Variants in CYP39A1 observed in about 807,000 individuals in gnomAD.
The protein encoded by CYP39A1 is 24-hydroxycholesterol 7-alpha-hydroxylase.
Under a neutral mutation model 58.1 loss-of-function variants are expected in CYP39A1, and 49 were observed. The ratio of observed to expected loss-of-function variants is 0.84; its 90% CI spans 0.67 to 1.07. CYP39A1 has a LOEUF of 1.07. Ranked by LOEUF, CYP39A1 falls within the 50% of genes least tolerant of loss-of-function variation. The pLI is 0.00. For synonymous variants in CYP39A1, 209 were observed against 187.6 expected, an observed-to-expected ratio of 1.11 and a Z score of -0.93; for missense variants, 531 against 539.4, an observed-to-expected ratio of 0.98 and a Z score of 0.16.
chr6:46,585,910 A>G (rs1772449923), intron 10 of CYP39A1, among the ~76,000 whole-genome samples: 1 of 152,082 alleles, frequency 6.6e-6, no homozygotes. Context: ...TTCCTTGTTC[A>G]TATCCAATGG....
At chr6:46,554,245 C>G (rs1194555398) in intron 10 of CYP39A1, among the ~76,000 whole-genome samples, 2 of 152,188 alleles carry the variant, frequency 1.3e-5, no homozygotes, top group Admixed American at 1.3e-4. Flanking sequence ...CTCGGTTGCA[C>G]TGGCCATATT....
chr6:46,589,591 A>G (rs1312724185), intron 8 of CYP39A1, among the ~76,000 whole-genome samples: 1 of 152,120 alleles, frequency 6.6e-6, no homozygotes, highest in Non-Finnish European at 1.5e-5. Context: ...CAATTTCAGA[A>G]CTGGGAGAGC....
At position 46,588,026 on chromosome 6, in the gene CYP39A1, T is replaced by C; in HGVS notation, c.1161+8A>G. 2 of 1,487,466 alleles carry C rather than the reference T, an allele frequency of 1.3e-6. No individual in the cohort carries two copies. Among genetic ancestry groups the C allele is most frequent in the Middle Eastern group, 1.7e-4 (1 of 5,770 alleles). 92.1% of individuals were successfully genotyped at this position (1,487,466 alleles called of 1,614,324 possible). On this transcript the variant is annotated splice_region_variant and intron_variant, in intron 9 of 11. Transcript: ENST00000275016. ...AAAGAATAATATATACTGAAAGAGATAACTTACAGGTTTGAACAATTCAGG... is the reference window on the plus strand; with the variant it reads ...AAAGAATAATATATACTGAAAGAGACAACTTACAGGTTTGAACAATTCAGG...
intron 7 of CYP39A1, among the ~76,000 whole-genome samples, chr6:46,602,552 C>T (rs1449475964): frequency 6.6e-6 from 1 of 151,744 alleles, no homozygotes; most frequent in Non-Finnish European, 1.5e-5. Context: ...GTAGCTCATG[C>T]CTGTATTCCC....
intron 10 of CYP39A1, among the ~76,000 whole-genome samples, chr6:46,564,782 A>C (rs558119476): frequency 2.0e-5 from 3 of 152,302 alleles, no homozygotes; most frequent in South Asian, 4.1e-4. Context: ...CACTGTTGCC[A>C]GGAGCAAGAG....
chr6:46,608,833 C>G (rs1479544913), intron 7 of CYP39A1, among the ~76,000 whole-genome samples: 2 of 151,524 alleles, frequency 1.3e-5, no homozygotes, highest in South Asian at 2.1e-4. Flanking sequence ...AGGCTGGTCT[C>G]GAACTCCTGA....
intron 1 of CYP39A1, among the ~76,000 whole-genome samples, chr6:46,643,980 T>A (rs1776496364): frequency 6.6e-6 from 1 of 152,198 alleles, no homozygotes; most frequent in South Asian, 2.1e-4. Flanking sequence ...AGCCTACGTA[T>A]CCATTACTGT....
At chr6:46,583,669 G>GAAAA in intron 10 of CYP39A1, 1 of 829,040 alleles carries the variant, frequency 1.2e-6, no homozygotes, top group Non-Finnish European at 1.5e-6. Context: ...CTACAAGGAA[G>GAAAA]TGCCTCGCAG....
At chr6:46,568,693 G>C (rs976574278) in intron 10 of CYP39A1, among the ~76,000 whole-genome samples, 2 of 151,972 alleles carry the variant, frequency 1.3e-5, no homozygotes, top group Non-Finnish European at 2.9e-5. Flanking sequence ...AAAATCATTT[G>C]ACCACATATT....
chr6:46,645,249 C>T (rs1762249209), intron 1 of CYP39A1, among the ~76,000 whole-genome samples: 1 of 152,096 alleles, frequency 6.6e-6, no homozygotes, highest in East Asian at 1.9e-4. Context: ...ATATTTCTTT[C>T]TACAGGTTTT....
Position 46,561,075 on chromosome 6 carries a change from C to A in CYP39A1, c.1251-7221G>T, listed in dbSNP as rs187296957. 7.2e-4 allele frequency among the ~76,000 whole-genome samples: 109 copies of A among 152,248 alleles called. 1 individual carries two copies. Among genetic ancestry groups the A allele is most frequent in the African/African-American group, 2.4e-3 (100 of 41,548 alleles). On this transcript the variant is annotated intron_variant, in intron 10 of 11. Transcript: ENST00000275016. ...TTCCTACAAGTAAATTAAATGAGCT[C>A]ACTTTTTCAAATAACTAAGTTGGCA...
intron 1 of CYP39A1, among the ~76,000 whole-genome samples, chr6:46,644,379 T>C (rs996280182): frequency 6.6e-6 from 1 of 152,182 alleles, no homozygotes; most frequent in Non-Finnish European, 1.5e-5. Context: ...TTATGAAGGC[T>C]GGGCTAGACA....
intron 11 of CYP39A1, among the ~76,000 whole-genome samples, chr6:46,553,134 C>T (rs1770498351): frequency 6.7e-6 from 1 of 149,540 alleles, no homozygotes; most frequent in Admixed American, 6.6e-5. Context: ...CCTGTTCCTA[C>T]TGGATCAGAA....
intron 7 of CYP39A1, among the ~76,000 whole-genome samples, chr6:46,609,414 CAAA>C (rs940212245): frequency 1.1e-4 from 7 of 62,536 alleles, no homozygotes; most frequent in African/African-American, 1.2e-4. Context: ...GACTCCGTCT[CAAA>C]AAAAAAAAAA....
At chr6:46,566,993 G>T (rs554622257) in intron 10 of CYP39A1, among the ~76,000 whole-genome samples, 1 of 152,046 alleles carries the variant, frequency 6.6e-6, no homozygotes, top group Non-Finnish European at 1.5e-5. Flanking sequence ...GGGAGAAGTG[G>T]GGGGGTGAGA....
At chr6:46,640,953 T>C (rs563406252) in intron 2 of CYP39A1, among the ~76,000 whole-genome samples, 2 of 152,122 alleles carry the variant, frequency 1.3e-5, no homozygotes, top group Admixed American at 1.3e-4. Flanking sequence ...TATGTTACCA[T>C]ACCAGTATAG....
intron 7 of CYP39A1, among the ~76,000 whole-genome samples, chr6:46,614,039 A>G (rs1241814715): frequency 6.6e-6 from 1 of 151,812 alleles, no homozygotes; most frequent in Admixed American, 6.6e-5. Flanking sequence ...TGGTAGGCTG[A>G]TGAAATCCTC....
rs1771083973 is a variant in CYP39A1 at position 46,563,338 on chromosome 6, A to G, written c.1251-9484T>C. Among the ~76,000 whole-genome samples the G allele has an allele frequency of 2.6e-5, 4 of 152,356 alleles. No homozygotes were observed. The South Asian group carries it at 8.3e-4, about 32-fold the overall frequency. ...TTTTCTTAATACTTCTAATGTCAAAACAGTGAAAATAATGAGGCACATTGT... is the reference window on the plus strand; with the variant it reads ...TTTTCTTAATACTTCTAATGTCAAAGCAGTGAAAATAATGAGGCACATTGT... On this transcript the variant is annotated intron_variant, in intron 10 of 11. Transcript: ENST00000275016.
chr6:46,580,905 T>A (rs990257892), intron 10 of CYP39A1, among the ~76,000 whole-genome samples: 1 of 152,178 alleles, frequency 6.6e-6, no homozygotes, highest in Non-Finnish European at 1.5e-5. Flanking sequence ...CTGATGAGAA[T>A]GTAAAATAGT....
Sources: gnomAD v4.1 joint callset for allele counts (sites outside exome capture counted in the v4.1 genomes callset) on GRCh38, gnomAD v4.1.1 for gene constraint, MANE v1.5 for transcripts, NCBI Gene and HGNC (gene_info 2026-07-23, HGNC 2026-07-21) for gene names.